KREMEN2: variants seen among roughly 807,000 people sequenced by gnomAD.
KREMEN2 encodes kringle containing transmembrane protein 2, also known as kremen protein 2.
A neutral mutation model predicts 49.8 loss-of-function variants in KREMEN2; 43 were observed. The ratio of observed to expected loss-of-function variants is 0.86; its 90% confidence interval spans 0.68 to 1.11. The LOEUF is 1.11. Among genes scored for constraint, KREMEN2 ranks in the 50% most tolerant of loss-of-function variants. The probability of loss-of-function intolerance (pLI) is 0.00; values close to 1 mark genes in which losing one functional copy is unlikely to be tolerated. For synonymous variants in KREMEN2, 355 were observed against 304.9 expected (o/e 1.16, Z -1.71); for missense variants, 686 against 665.7 (o/e 1.03, Z -0.34).
chr16:2,967,384 C>T lies in KREMEN2; in HGVS notation c.1038C>T (p.Pro346=). 1 of 1,398,674 alleles carries T rather than the reference C, an allele frequency of 7.1e-7. No individual in the cohort carries two copies. 86.6% of individuals were successfully genotyped at this position (1,398,674 alleles called of 1,614,324 possible). The change falls in exon 7 of 9, where the codon CCC becomes CCT. Residue 346 remains proline, a synonymous_variant. Transcript: ENST00000303746. Reference sequence around the variant, plus strand: ...GCTCGGCCCAGACCCCCGCGGCGCCCCTCGACGGGGCCAACGTGAGCTGCA... The same window carrying T: ...GCTCGGCCCAGACCCCCGCGGCGCCTCTCGACGGGGCCAACGTGAGCTGCA... ...PEGSAQTPAA[P]LDGANVSCSP...
chr16:2,964,857 AGGCCTG>A lies in KREMEN2; in HGVS notation c.95-1_99del. ...TCCCCAGGCCCTGCCTTTGCCGTGC[AGGCCTG>A]TCCGAATGCTTCCAGGTGAATGGGG... On this transcript the variant is annotated splice_acceptor_variant and coding_sequence_variant, in exon 2 of 9. Coordinates refer to ENST00000303746, the MANE Select transcript of KREMEN2 (RefSeq NM_172229.3). LOFTEE classifies it high-confidence loss of function. 6.2e-7 allele frequency: 1 copy of A among 1,610,730 alleles called. No homozygotes were observed. The highest frequency in any genetic ancestry group is 8.5e-7 in the Non-Finnish European group (1 of 1,179,100).
Position 2,968,103 on chromosome 16 carries a change from C to G in KREMEN2, c.*83C>G. ...TGTGCTGCGCCCTGCCTCGGCCTTG[C>G]GCCTGTGTAGGGGCAGCTCGGCCTC... is the stretch of plus-strand genomic sequence containing the variant. On this transcript the variant is annotated 3_prime_UTR_variant, in exon 9 of 9. Coordinates refer to ENST00000303746, the MANE Select transcript of KREMEN2 (RefSeq NM_172229.3). 7.1e-7 allele frequency: 1 copy of G among 1,400,850 alleles called. No homozygotes were observed. Among genetic ancestry groups the G allele is most frequent in the Non-Finnish European group, 9.7e-7 (1 of 1,025,764 alleles). 86.8% of individuals were successfully genotyped at this position (1,400,850 alleles called of 1,614,324 possible). A position where few individuals can be genotyped will look rare whatever the true frequency, so the allele number is the denominator to read the frequency against.
chr16:2,965,037 A>AG lies in KREMEN2; in HGVS notation c.269+8dup, dbSNP rs1458405510. ...TGGGCGCGCACAACTTCTGCCGGTG[A>AG]GGGGCGGGGCCTGCGCTGGGGGCGA... On this transcript the variant is annotated splice_donor_region_variant and intron_variant, in intron 2 of 8. Transcript: ENST00000303746. 6.5e-7 allele frequency: 1 copy of AG among 1,531,072 alleles called. No homozygotes were observed. The highest frequency in any genetic ancestry group is 1.2e-5 in the South Asian group (1 of 82,498). 94.8% of individuals were successfully genotyped at this position (1,531,072 alleles called of 1,614,324 possible). A position where few individuals can be genotyped will look rare whatever the true frequency, so the allele number is the denominator to read the frequency against.
chr16:2,964,467 G>A lies in KREMEN2; in HGVS notation c.-54G>A. On this transcript the variant is annotated 5_prime_UTR_variant, in exon 1 of 9. Transcript: ENST00000303746. ...TCCTGGGAGACCCCGAAGCGACCCC[G>A]GGGGCAGCCCGGGCCGTGTCCGGGC... is the stretch of plus-strand genomic sequence containing the variant. 1 of 1,372,018 alleles carries A rather than the reference G, an allele frequency of 7.3e-7. No homozygotes were observed. The highest frequency in any genetic ancestry group is 9.9e-7 in the Non-Finnish European group (1 of 1,008,468). The allele number at this position is 1,372,018 out of a possible 1,614,324, so 85.0% of individuals were successfully genotyped here. A position where few individuals can be genotyped will look rare whatever the true frequency, so the allele number is the denominator to read the frequency against.
chr16:2,964,781 C>T, intron 1 of KREMEN2, 78 bp from the exon 2 acceptor site: 1 of 1,535,900 alleles, frequency 6.5e-7, no homozygotes, highest in Admixed American at 1.9e-5. Context: ...GCTGGGGACC[C>T]AGGCGGGAGG....
At position 2,966,726 on chromosome 16, in the gene KREMEN2, T is replaced by C; in HGVS notation, c.571T>C (p.Cys191Arg). Reference protein sequence around the residue: ...ARGRLAPATDCDQICFGHPGQ... With the variant: ...ARGRLAPATDRDQICFGHPGQ... Reference sequence around the variant, plus strand: ...GGGACGCCTGGCCCCCGCCACCGACTGTGACCAGATCTGTTTCGGCCACCC... The same window carrying C: ...GGGACGCCTGGCCCCCGCCACCGACCGTGACCAGATCTGTTTCGGCCACCC... The change falls in exon 5 of 9, where the codon TGT becomes CGT. Residue 191 changes from cysteine to arginine, a missense_variant. By Grantham distance (180) the Cys-to-Arg change is radical. Coordinates refer to ENST00000303746, the MANE Select transcript of KREMEN2 (RefSeq NM_172229.3). The surrounding 1 kb of genome is among the most constrained non-coding windows in gnomAD (Gnocchi z 8.4). 3.1e-6 allele frequency: 5 copies of C among 1,612,004 alleles called. No homozygotes were observed. The highest frequency in any genetic ancestry group is 3.4e-6 in the Non-Finnish European group (4 of 1,179,888).
intron 8 of KREMEN2, 51 bp from the exon 9 acceptor site, chr16:2,967,759 G>C (rs1052175579): frequency 2.9e-5 from 45 of 1,545,494 alleles, no homozygotes; most frequent in Non-Finnish European, 3.8e-5. Context: ...GGTAGAGCAG[G>C]ACGCTGCAGC....
Position 2,967,254 on chromosome 16 carries a change from C to T in KREMEN2, c.973+12C>T. On this transcript the variant is annotated intron_variant, in intron 6 of 8. Coordinates refer to ENST00000303746, the MANE Select transcript of KREMEN2 (RefSeq NM_172229.3). Reference sequence around the variant, plus strand: ...GCTCACCTACCGCGGTGAGCCTCAGCTCGGCGCGCCCTGCCCGCTGTTCCC... The same window carrying T: ...GCTCACCTACCGCGGTGAGCCTCAGTTCGGCGCGCCCTGCCCGCTGTTCCC... 7.4e-7 allele frequency: 1 copy of T among 1,352,732 alleles called. No individual in the cohort carries two copies. The highest frequency in any genetic ancestry group is 1.8e-5 in the South Asian group (1 of 54,792). The allele number at this position is 1,352,732 out of a possible 1,614,324, so 83.8% of individuals were successfully genotyped here.
In KREMEN2 at chr16:2,967,611, G is replaced by A. The variant is rs951506633; in HGVS notation, c.1178+7G>A. On this transcript the variant is annotated splice_region_variant and intron_variant, in intron 8 of 8. Transcript: ENST00000303746. ...TGCGTCCGCTGCGCCGACGGTGCGG[G>A]GCGCTGGGGCAGGGCCTGAGGGCGG... 3 of 1,529,272 alleles carry A rather than the reference G, an allele frequency of 2.0e-6. No individual in the cohort carries two copies. The highest frequency in any genetic ancestry group is 2.7e-5 in the African/African-American group (2 of 72,846). 94.7% of individuals were successfully genotyped at this position (1,529,272 alleles called of 1,614,324 possible).
chr16:2,965,178 T>TGAGGG (rs1211506076), intron 2 of KREMEN2, 145 bp downstream of exon 2: 1 of 3,716 alleles, frequency 2.7e-4, no homozygotes, highest in African/African-American at 1.6e-3. Flanking sequence ...GGGGCCAGAA[T>TGAGGG]GAGGGGCGGG....
Position 2,968,342 on chromosome 16 carries a change from A to G in KREMEN2, c.*322A>G, listed in dbSNP as rs1242275421. On this transcript the variant is annotated 3_prime_UTR_variant, in exon 9 of 9. Transcript: ENST00000303746. ...TCACAGGTCAGCAAAAACAGTCAAA[A>G]AACCCCCACAGATTTTGAATAAAGG... The G allele has an allele frequency of 2.0e-6, 3 of 1,534,946 alleles. No individual in the cohort carries two copies. The highest frequency in any genetic ancestry group is 2.6e-6 in the Non-Finnish European group (3 of 1,146,360).
Position 2,967,454 on chromosome 16 carries a change from G to A in KREMEN2, c.1099+9G>A, listed in dbSNP as rs748874076. On this transcript the variant is annotated intron_variant, in intron 7 of 8. Transcript: ENST00000303746. ...GCCGGCCGCGATTGGGGGTGAGGCG[G>A]GCGCGCGGGACGGGAGTGAGTCAGG... 103 of 1,418,966 alleles carry A rather than the reference G, an allele frequency of 7.3e-5. No individual in the cohort carries two copies. Among genetic ancestry groups the A allele is most frequent in the Non-Finnish European group, 9.0e-5 (99 of 1,097,324 alleles). 87.9% of individuals were successfully genotyped at this position (1,418,966 alleles called of 1,614,324 possible).
Position 2,964,760 on chromosome 16 carries a change from C to G in KREMEN2, c.95-99C>G, listed in dbSNP as rs1369385094. The G allele has an allele frequency of 6.2e-6, 9 of 1,449,318 alleles. No individual in the cohort carries two copies. The Admixed American group carries it at 1.8e-4, about 29-fold the overall frequency. 89.8% of individuals were successfully genotyped at this position (1,449,318 alleles called of 1,614,324 possible). A position where few individuals can be genotyped will look rare whatever the true frequency, so the allele number is the denominator to read the frequency against. On this transcript the variant is annotated intron_variant, in intron 1 of 8. Coordinates refer to ENST00000303746, the MANE Select transcript of KREMEN2 (RefSeq NM_172229.3). ...CCGAGGGCTCCTGCAGGGGCGGGTG[C>G]GGGGTCGCTGGCTGGGGACCCAGGC...
Position 2,966,415 on chromosome 16 carries a change from T to G in KREMEN2, c.452T>G (p.Val151Gly). ...SGTSTKLTVQVCLRFCRMKGY... is the reference protein window; with the variant it reads ...SGTSTKLTVQGCLRFCRMKGY... ...ACCTCCACGAAGCTCACGGTCCAGG[T>G]GTGCCTACGCTTCTGCCGCATGAAG... The change falls in exon 4 of 9, where the codon GTG becomes GGG. Residue 151 changes from valine (V) to glycine (G), a missense_variant. Coordinates refer to ENST00000303746, the MANE Select transcript of KREMEN2 (RefSeq NM_172229.3). This position sits in a 1 kb window ranked among gnomAD's most constrained non-coding sequence, Gnocchi z 8.4. 6.2e-7 allele frequency: 1 copy of G among 1,611,090 alleles called. No homozygotes were observed.
At chr16:2,967,628 T>A in intron 8 of KREMEN2, 24 bp downstream of exon 8, 1 of 1,532,008 alleles carries the variant, frequency 6.5e-7, no homozygotes, top group Non-Finnish European at 8.7e-7. Context: ...GGGCAGGGCC[T>A]GAGGGCGGAC....
chr16:2,968,217 CAGGCCCTCTCCATGGACCTGTAT>C lies in KREMEN2; in HGVS notation c.*198_*220del. ...CCTGACCGTGGGGGTCCAGATGGTC[CAGGCCCTCTCCATGGACCTGTAT>C]GTGGGGGTGGTCTCTGGTTTCGGAG... On this transcript the variant is annotated 3_prime_UTR_variant, in exon 9 of 9. Coordinates refer to ENST00000303746, the MANE Select transcript of KREMEN2 (RefSeq NM_172229.3). The C allele has an allele frequency of 1.1e-6, 1 of 892,278 alleles. No individual in the cohort carries two copies. The highest frequency in any genetic ancestry group is 1.7e-6 in the Non-Finnish European group (1 of 577,220). The allele number at this position is 892,278 out of a possible 1,614,324, so 55.3% of individuals were successfully genotyped here.
At position 2,966,696 on chromosome 16, in the gene KREMEN2, G is replaced by A; in HGVS notation, c.541G>A (p.Ala181Thr). The A allele has an allele frequency of 6.2e-7, 1 of 1,611,426 alleles. No homozygotes were observed. The highest frequency in any genetic ancestry group is 8.5e-7 in the Non-Finnish European group (1 of 1,179,886). ...CTTCTGTGGCTCTGAAAGCGACCTG[G>A]CCCGGGGACGCCTGGCCCCCGCCAC... Reference protein sequence around the residue: ...ACFCGSESDLARGRLAPATDC... With the variant: ...ACFCGSESDLTRGRLAPATDC... Residue 181 changes from alanine to threonine, a missense_variant, in exon 5 of 9, where the codon GCC (alanine) becomes ACC (threonine). Ala to Thr is a moderately conservative substitution (Grantham distance 58). Coordinates refer to ENST00000303746, the MANE Select transcript of KREMEN2 (RefSeq NM_172229.3). The surrounding 1 kb of genome is among the most constrained non-coding windows in gnomAD (Gnocchi z 8.4).
At position 2,966,866 on chromosome 16, in the gene KREMEN2, C is replaced by A; in HGVS notation, c.641-44C>A. 2 of 1,568,100 alleles carry A rather than the reference C, an allele frequency of 1.3e-6. No homozygotes were observed. The highest frequency in any genetic ancestry group is 1.7e-6 in the Non-Finnish European group (2 of 1,157,842). On this transcript the variant is annotated intron_variant, in intron 5 of 8. Coordinates refer to ENST00000303746, the MANE Select transcript of KREMEN2 (RefSeq NM_172229.3). This position sits in a 1 kb window ranked among gnomAD's most constrained non-coding sequence, Gnocchi z 8.4. Reference sequence around the variant, plus strand: ...GGGCCTGGCCGGGCAGGGGAGCCGCCGTGTCCTGGTCCTCAGGATGCTGAC... The same window carrying A: ...GGGCCTGGCCGGGCAGGGGAGCCGCAGTGTCCTGGTCCTCAGGATGCTGAC...
chr16:2,966,876 T>C lies in KREMEN2; in HGVS notation c.641-34T>C. The C allele has an allele frequency of 6.4e-7, 1 of 1,558,170 alleles. No homozygotes were observed. Among genetic ancestry groups the C allele is most frequent in the Non-Finnish European group, 8.7e-7 (1 of 1,152,078 alleles). On this transcript the variant is annotated intron_variant, in intron 5 of 8. Transcript: ENST00000303746. The surrounding 1 kb of genome is among the most constrained non-coding windows in gnomAD (Gnocchi z 8.4). Reference sequence around the variant, plus strand: ...GGGCAGGGGAGCCGCCGTGTCCTGGTCCTCAGGATGCTGACTGCCGGCCCC... The same window carrying C: ...GGGCAGGGGAGCCGCCGTGTCCTGGCCCTCAGGATGCTGACTGCCGGCCCC...
Sources: gnomAD v4.1 joint callset for allele counts on GRCh38, gnomAD v4.1.1 for gene constraint, Gnocchi (gnomAD v3.1) non-coding constraint, MANE v1.5 for transcripts, NCBI Gene and HGNC (gene_info 2026-07-23, HGNC 2026-07-21) for gene names.